The following RAB36 variants were observed in gnomAD, a reference collection of about 807,000 sequenced individuals.
RAB36 encodes the protein ras-related protein Rab-36.
A neutral mutation model predicts 39.3 loss-of-function variants in RAB36; 33 were observed. The ratio of observed to expected loss-of-function variants is 0.84; its 90% CI spans 0.64 to 1.12. The LOEUF (loss-of-function observed/expected upper bound fraction) is 1.12. Among genes scored for constraint, RAB36 ranks in the 50% most tolerant of loss-of-function variants. The probability of loss-of-function intolerance (pLI) is 0.00; values close to 1 mark genes in which losing one functional copy is unlikely to be tolerated. For synonymous variants in RAB36, 133 were observed against 140.2 expected, an observed-to-expected ratio of 0.95 and a Z score of 0.36; for missense variants, 308 against 355.3, an observed-to-expected ratio of 0.87 and a Z score of 1.07.
chr22:23,153,540 A>G, intron 5 of RAB36: 1 of 984,358 alleles, frequency 1.0e-6, no homozygotes, highest in Non-Finnish European at 1.2e-6. Flanking sequence ...AAATGGGGTC[A>G]AATCCAGTCC....
At chr22:23,160,827 A>G (rs185106579) in intron 9 of RAB36, 52 bp from the exon 10 acceptor site, 303 of 1,584,062 alleles carry the variant, frequency 1.9e-4, no homozygotes, top group Middle Eastern at 8.7e-4. Flanking sequence ...CAGATGCATT[A>G]AGGGGCAAGG....
At position 23,146,687 on chromosome 22, in the gene RAB36, T is replaced by C. The variant is rs954648186; in HGVS notation, c.69+2T>C. On this transcript the variant is annotated splice_donor_variant, in intron 2 of 10. Transcript: ENST00000263116. LOFTEE classifies it high-confidence loss of function. ...CGTGTCATCGCCAGCTTCCCTAAGG[T>C]AGAGAGTCATTACGTCTGCAGTGCT... 3.1e-6 allele frequency: 5 copies of C among 1,613,506 alleles called. No individual in the cohort carries two copies. Among genetic ancestry groups the C allele is most frequent in the South Asian group, 2.2e-5 (2 of 91,082 alleles).
chr22:23,147,948 T>C lies in RAB36; in HGVS notation c.69+1263T>C, dbSNP rs149376425. Among the ~76,000 whole-genome samples the C allele has an allele frequency of 5.3e-5, 8 of 152,254 alleles. No individual in the cohort carries two copies. The East Asian group carries it at 1.5e-3, about 29-fold the overall frequency. On this transcript the variant is annotated intron_variant, in intron 2 of 10. Transcript: ENST00000263116. ...GAAAACAAGGAGAGGGAGAAATGTC[T>C]ATTTGTTTATATATGCAGAAAATAT... is the stretch of plus-strand genomic sequence containing the variant.
Position 23,153,084 on chromosome 22 carries a change from CT to C in RAB36, c.282del (p.Phe94LeufsTer39). 1 of 1,614,108 alleles carries C rather than the reference CT, an allele frequency of 6.2e-7. No homozygotes were observed. The highest frequency in any genetic ancestry group is 8.5e-7 in the Non-Finnish European group (1 of 1,180,016). On this transcript the variant is annotated frameshift_variant, in exon 5 of 11. Coordinates refer to ENST00000263116, the MANE Select transcript of RAB36 (RefSeq NM_004914.5). LOFTEE classifies it high-confidence loss of function. ...ACTACAAGGCCACCATTGGGGTGGA[CT>C]TTGAAATTGAGCGCTTTGAGATTGC... ...RDYKATIGVD[F>X]EIERFEIAGI...
In RAB36 at chr22:23,150,100, A is replaced by G. The variant is rs753676767; in HGVS notation, c.107A>G (p.His36Arg). The change falls in exon 3 of 11, where the codon CAC (histidine) becomes CGC (arginine). Residue 36 changes from histidine to arginine, a missense_variant. Coordinates refer to ENST00000263116, the MANE Select transcript of RAB36 (RefSeq NM_004914.5). Reference protein sequence around the residue: ...TPEACLQLREHFHGQVSAACQ... With the variant: ...TPEACLQLRERFHGQVSAACQ... ...GAAGCCTGTTTGCAGCTCAGGGAGC[A>G]CTTCCACGGGCAGGTCAGCGCTGCC... is the stretch of plus-strand genomic sequence containing the variant. The G allele has an allele frequency of 1.2e-6, 2 of 1,612,524 alleles. No individual in the cohort carries two copies. Among genetic ancestry groups the G allele is most frequent in the Non-Finnish European group, 8.5e-7 (1 of 1,179,408 alleles).
At chr22:23,153,200 G>A in intron 5 of RAB36, 66 bp downstream of exon 5, 1 of 1,229,774 alleles carries the variant, frequency 8.1e-7, no homozygotes, top group Admixed American at 1.7e-5. Flanking sequence ...AGGATTTGGG[G>A]AGCTCCTTCA....
At position 23,161,808 on chromosome 22, in the gene RAB36, C is replaced by T; in HGVS notation, c.*244C>T. The T allele has an allele frequency of 1.9e-6, 1 of 530,018 alleles. No individual in the cohort carries two copies. Among genetic ancestry groups the T allele is most frequent in the Non-Finnish European group, 3.4e-6 (1 of 293,226 alleles). 32.8% of individuals were successfully genotyped at this position (530,018 alleles called of 1,614,324 possible). A position where few individuals can be genotyped will look rare whatever the true frequency, so the allele number is the denominator to read the frequency against. ...GGAGCCCCACACCACCGGGCCAGTG[C>T]AGGCACTGTGGTGATCCCATAAAAG... On this transcript the variant is annotated 3_prime_UTR_variant, in exon 11 of 11. Transcript: ENST00000263116.
chr22:23,160,331 T>C (rs2071702612), intron 9 of RAB36, among the ~76,000 whole-genome samples: 1 of 152,186 alleles, frequency 6.6e-6, no homozygotes, highest in South Asian at 2.1e-4. Flanking sequence ...GACTGCCCTA[T>C]GCGGTTGTGC....
intron 5 of RAB36, 61 bp downstream of exon 5, chr22:23,153,195 T>C (rs1008549956): frequency 7.1e-6 from 9 of 1,265,566 alleles, no homozygotes; most frequent in African/African-American, 5.9e-5. Flanking sequence ...GAGAAAGGAT[T>C]TGGGGAGCTC....
chr22:23,150,043 G>A lies in RAB36; in HGVS notation c.70-20G>A, dbSNP rs747105473. ...CACAGCTTTGCAGGATGATGTGTCC[G>A]TCTGTCTGTCTCTTTGCAGTGGTAC... On this transcript the variant is annotated intron_variant, in intron 2 of 10. Coordinates refer to ENST00000263116, the MANE Select transcript of RAB36 (RefSeq NM_004914.5). The A allele has an allele frequency of 8.9e-6, 14 of 1,578,064 alleles. No individual in the cohort carries two copies. The highest frequency in any genetic ancestry group is 2.3e-5 in the East Asian group (1 of 43,942).
At chr22:23,154,367 C>CT (rs2071343015) in intron 5 of RAB36, among the ~76,000 whole-genome samples, 1 of 152,246 alleles carries the variant, frequency 6.6e-6, no homozygotes, top group East Asian at 1.9e-4. Context: ...GTTCCTAACT[C>CT]TGTCGAGATA....
At chr22:23,147,693 A>G (rs1310425598) in intron 2 of RAB36, among the ~76,000 whole-genome samples, 6 of 152,198 alleles carry the variant, frequency 3.9e-5, no homozygotes, top group Non-Finnish European at 8.8e-5. Context: ...TACAATGTGC[A>G]TAAGGATAGG....
At position 23,160,914 on chromosome 22, in the gene RAB36, G is replaced by C. The variant is rs776616565; in HGVS notation, c.655G>C (p.Ala219Pro). 1 of 1,613,878 alleles carries C rather than the reference G, an allele frequency of 6.2e-7. No individual in the cohort carries two copies. The highest frequency in any genetic ancestry group is 8.5e-7 in the Non-Finnish European group (1 of 1,179,930). The change falls in exon 10 of 11, where the codon GCC becomes CCC. Residue 219 changes from alanine (A) to proline (P), a missense_variant. Ala to Pro is a conservative substitution (Grantham distance 27). Coordinates refer to ENST00000263116, the MANE Select transcript of RAB36 (RefSeq NM_004914.5). ...NVKAFFSRVA[A>P]LAFEQSVLQD... The stretch of plus-strand genomic sequence containing the variant: ...GAAGGCATTCTTCAGCCGCGTAGCC[G>C]CCCTGGCATTCGAGCAGTCGGTGCT...
intron 6 of RAB36, among the ~76,000 whole-genome samples, chr22:23,156,660 A>T (rs538798080): frequency 1.1e-4 from 16 of 152,376 alleles, no homozygotes; most frequent in Non-Finnish European, 1.3e-4. Context: ...TAAGGCACCG[A>T]TATGTCTACT....
rs778775967 is a variant in RAB36, at chr22:23,150,042, C to G, written c.70-21C>G. Reference sequence around the variant, plus strand: ...CCACAGCTTTGCAGGATGATGTGTCCGTCTGTCTGTCTCTTTGCAGTGGTA... The same window carrying G: ...CCACAGCTTTGCAGGATGATGTGTCGGTCTGTCTGTCTCTTTGCAGTGGTA... On this transcript the variant is annotated intron_variant, in intron 2 of 10. Coordinates refer to ENST00000263116, the MANE Select transcript of RAB36 (RefSeq NM_004914.5). 14 of 1,573,254 alleles carry G rather than the reference C, an allele frequency of 8.9e-6. No individual in the cohort carries two copies. The South Asian group carries it at 1.6e-4, about 18-fold the overall frequency.
chr22:23,147,462 C>T (rs927677564), intron 2 of RAB36, among the ~76,000 whole-genome samples: 32 of 152,162 alleles, frequency 2.1e-4, no homozygotes, highest in African/African-American at 6.5e-4. Flanking sequence ...CCCGGAGTAG[C>T]TAGGACCACA....
In RAB36 at chr22:23,153,030, C is replaced by A; in HGVS notation, c.228-3C>A. ...CCTGTGACGACTTCCTCATCCCCCA[C>A]AGGTTTTGCAAGAATGTTTTTGATC... On this transcript the variant is annotated splice_region_variant and splice_polypyrimidine_tract_variant and intron_variant, in intron 4 of 10. Coordinates refer to ENST00000263116, the MANE Select transcript of RAB36 (RefSeq NM_004914.5). 1 of 1,611,918 alleles carries A rather than the reference C, an allele frequency of 6.2e-7. No homozygotes were observed. The highest frequency in any genetic ancestry group is 8.5e-7 in the Non-Finnish European group (1 of 1,178,054).
chr22:23,153,114 G>A lies in RAB36; in HGVS notation c.309G>A (p.Gly103=), dbSNP rs374439618. The change falls in exon 5 of 11, where the codon GGG becomes GGA. Residue 103 remains glycine, a synonymous_variant. Coordinates refer to ENST00000263116, the MANE Select transcript of RAB36 (RefSeq NM_004914.5). Reference sequence around the variant, plus strand: ...AAATTGAGCGCTTTGAGATTGCTGGGATTCCCTATAGCCTCCAGATGTAAG... The same window carrying A: ...AAATTGAGCGCTTTGAGATTGCTGGAATTCCCTATAGCCTCCAGATGTAAG... ...DFEIERFEIA[G]IPYSLQIWDT... 49 of 1,614,066 alleles carry A rather than the reference G, an allele frequency of 3.0e-5. No individual in the cohort carries two copies. In the African/African-American group the frequency reaches 6.1e-4, roughly 20 times the overall value.
chr22:23,152,383 A>G, intron 3 of RAB36, 78 bp from the exon 4 acceptor site: 4 of 1,462,138 alleles, frequency 2.7e-6, no homozygotes, highest in Non-Finnish European at 3.8e-6. Context: ...CAGAGAGCTC[A>G]GGGAAGGAAG....
Sources: allele counts gnomAD v4.1 joint callset (sites outside exome capture counted in the v4.1 genomes callset), GRCh38; gene constraint gnomAD v4.1.1; transcripts MANE v1.5; gene names NCBI Gene and HGNC (gene_info 2026-07-23, HGNC 2026-07-21).